ADGRV1: variants seen among roughly 807,000 people sequenced by gnomAD.
ADGRV1 encodes the protein adhesion G protein-coupled receptor V1, also known as G-protein coupled receptor 98.
Under a neutral mutation model 596.2 loss-of-function variants are expected in ADGRV1, and 359 were observed. The observed-to-expected ratio is 0.60, with a 90% CI of 0.55 to 0.66. The LOEUF (loss-of-function observed/expected upper bound fraction) is 0.66, where lower values mean the gene tolerates loss of function less well. Ranked by LOEUF, ADGRV1 falls within the 30% of genes least tolerant of loss-of-function variation. The probability of loss-of-function intolerance (pLI) is 0.00; values close to 1 mark genes in which losing one functional copy is unlikely to be tolerated. For synonymous variants in ADGRV1, 2,681 were observed against 2,679.2 expected, an observed-to-expected ratio of 1.00 and a Z score of -0.02; for missense variants, 7,274 against 7,575.6, an observed-to-expected ratio of 0.96 and a Z score of 1.48.
At chr5:91,116,038 A>G (rs1432520031) in intron 87 of ADGRV1, among the ~76,000 whole-genome samples, 2 of 152,214 alleles carry the variant, frequency 1.3e-5, no homozygotes, top group Non-Finnish European at 2.9e-5. Flanking sequence ...ACTCCAGGAA[A>G]CAGATCTGCC....
chr5:91,080,588 C>CTAA, intron 86 of ADGRV1, among the ~76,000 whole-genome samples: 1 of 84,466 alleles, frequency 1.2e-5, no homozygotes, highest in African/African-American at 4.9e-5. Flanking sequence ...GCACACCCTG[C>CTAA]AAAAAAAAAA....
chr5:90,855,660 A>G (rs1329396582), intron 81 of ADGRV1, 81 bp from the exon 82 acceptor site: 20 of 911,290 alleles, frequency 2.2e-5, no homozygotes, highest in Non-Finnish European at 3.2e-5. Context: ...TAATTTCAGT[A>G]AGCTATTTTT....
chr5:90,587,296 C>A (rs1758878724), intron 1 of ADGRV1, among the ~76,000 whole-genome samples: 1 of 152,116 alleles, frequency 6.6e-6, no homozygotes, highest in African/African-American at 2.4e-5. Flanking sequence ...TCCCCAGATA[C>A]CAGTCATTCC....
chr5:90,873,344 C>T (rs964982284), intron 83 of ADGRV1, among the ~76,000 whole-genome samples: 39 of 152,056 alleles, frequency 2.6e-4, no homozygotes, highest in African/African-American at 8.0e-4. Context: ...GTTGTAAGGG[C>T]GAATGTTATT....
chr5:90,745,047 C>T lies in ADGRV1; in HGVS notation c.10551C>T (p.Ala3517=), dbSNP rs762850616. Residue 3517 remains alanine, a splice_region_variant and synonymous_variant, in exon 51 of 90, where the codon GCC becomes GCT. Transcript: ENST00000405460. The part of the protein sequence containing the change: ...IHSFTPASGI[A]HILLIGQDMS... ...TTGTTTTTTCTTTCCTTCCTGCAGC[C>T]CACATACTTCTTATTGGCCAAGATA... 1.9e-6 allele frequency: 3 copies of T among 1,611,704 alleles called. No individual in the cohort carries two copies. The highest frequency in any genetic ancestry group is 2.2e-5 in the South Asian group (2 of 90,954).
At position 90,647,550 on chromosome 5, in the gene ADGRV1, C is replaced by G; in HGVS notation, c.3075C>G (p.Leu1025=). ...QEGETANFTV[L]RNGSVDVTCM... Reference sequence around the variant, plus strand: ...GTGAGACTGCCAACTTTACAGTTCTCAGAAATGGATCTGTTGATGTGACTT... The same window carrying G: ...GTGAGACTGCCAACTTTACAGTTCTGAGAAATGGATCTGTTGATGTGACTT... The change falls in exon 17 of 90, where the codon CTC becomes CTG. Residue 1025 remains leucine (L), a synonymous_variant. Coordinates refer to ENST00000405460, the MANE Select transcript of ADGRV1 (RefSeq NM_032119.4). 6.2e-7 allele frequency: 1 copy of G among 1,613,750 alleles called. No homozygotes were observed. The highest frequency in any genetic ancestry group is 8.5e-7 in the Non-Finnish European group (1 of 1,179,716).
At chr5:91,009,837 G>A (rs1486287516) in intron 85 of ADGRV1, among the ~76,000 whole-genome samples, 1 of 152,042 alleles carries the variant, frequency 6.6e-6, no homozygotes. Flanking sequence ...GAGTCAAGGA[G>A]AAAGAGAGAC....
chr5:90,807,723 C>T lies in ADGRV1; in HGVS notation c.14958C>T (p.Gly4986=), dbSNP rs371117165. 80 of 1,556,350 alleles carry T rather than the reference C, an allele frequency of 5.1e-5. No homozygotes were observed. The highest frequency in any genetic ancestry group is 6.7e-5 in the Non-Finnish European group (77 of 1,144,498). ...HLSGVQSSAP[G]GAQLRSGFIV... The stretch of plus-strand genomic sequence containing the variant: ...CAGGAGTGCAGAGCAGTGCTCCTGG[C>T]GGAGCTCAACTCCGGTAAGACCAAC... The change falls in exon 73 of 90, where the codon GGC becomes GGT. Residue 4986 remains glycine, a synonymous_variant. Coordinates refer to ENST00000405460, the MANE Select transcript of ADGRV1 (RefSeq NM_032119.4).
At chr5:91,015,840 T>G (rs1237027242) in intron 85 of ADGRV1, among the ~76,000 whole-genome samples, 1 of 152,044 alleles carries the variant, frequency 6.6e-6, no homozygotes, top group Admixed American at 6.6e-5. Context: ...ACTGTGCCTT[T>G]TAAATGGGGC....
chr5:90,985,881 GT>G (rs1391396405), intron 85 of ADGRV1, among the ~76,000 whole-genome samples: 1 of 151,938 alleles, frequency 6.6e-6, no homozygotes, highest in African/African-American at 2.4e-5. Flanking sequence ...TAAGCAGTGT[GT>G]TTTTGGTGAG....
In ADGRV1 at chr5:91,103,951, TGTAGGA is replaced by T. The variant is rs1791619784; in HGVS notation, c.18432+1613_18432+1618del. ...AAGGTCTTGCAATTAGAGAAGAAGTTGTAGGAGAGGAGACAGAAAGGGTAGATTGGT... is the reference window on the plus strand; with the variant it reads ...AAGGTCTTGCAATTAGAGAAGAAGTTGAGGAGACAGAAAGGGTAGATTGGT... On this transcript the variant is annotated intron_variant, in intron 87 of 89. Coordinates refer to ENST00000405460, the MANE Select transcript of ADGRV1 (RefSeq NM_032119.4). Among the ~76,000 whole-genome samples the T allele has an allele frequency of 5.3e-5, 8 of 152,212 alleles. No homozygotes were observed. The South Asian group carries it at 1.7e-3, about 32-fold the overall frequency.
At chr5:90,759,724 G>A in intron 58 of ADGRV1, 136 bp downstream of exon 58, 1 of 735,584 alleles carries the variant, frequency 1.4e-6, no homozygotes, top group Non-Finnish European at 2.4e-6. Context: ...CCAGCACTTT[G>A]GGAGGCCGCA....
Position 90,694,053 on chromosome 5 carries a change from G to T in ADGRV1, c.7297G>T (p.Gly2433Trp), listed in dbSNP as rs776759838. ...AACTTGGATGAATGTCTCTGCCGTG[G>T]GGGAGCCCCTGTATACCTGTGCCAC... ...WRTWMNVSAV[G>W]EPLYTCATLC... Residue 2433 changes from glycine to tryptophan, a missense_variant, in exon 33 of 90, where the codon GGG (glycine) becomes TGG (tryptophan). Gly to Trp is a radical substitution (Grantham distance 184). This residue lies in a region of ADGRV1 where 3,643 missense variants were observed against 3,809.2 expected (regional missense o/e 0.96). Transcript: ENST00000405460. The T allele has an allele frequency of 1.9e-6, 3 of 1,613,814 alleles. No homozygotes were observed. Among genetic ancestry groups the T allele is most frequent in the Non-Finnish European group, 2.5e-6 (3 of 1,179,842 alleles).
rs918367804 is a variant in ADGRV1 at position 90,693,452 on chromosome 5, AT to A, written c.7134-427del. ...GGTTTTTAAAGTTTGTATTTTTTAA[AT>A]TTTTTTTTTTCTGAATATTTTTGAT... On this transcript the variant is annotated intron_variant, in intron 32 of 89. Transcript: ENST00000405460. 7.8e-4 allele frequency among the ~76,000 whole-genome samples: 116 copies of A among 149,324 alleles called. No homozygotes were observed. The East Asian group carries it at 0.011, about 15-fold the overall frequency.
At chr5:90,763,154 GT>G in intron 58 of ADGRV1, 150 bp from the exon 59 acceptor site, 1 of 654,258 alleles carries the variant, frequency 1.5e-6, no homozygotes, top group Non-Finnish European at 2.4e-6. Context: ...GTGGGATTTG[GT>G]AAAAAAAATT....
chr5:90,609,975 T>C (rs1056804197), intron 1 of ADGRV1, among the ~76,000 whole-genome samples: 1 of 152,080 alleles, frequency 6.6e-6, no homozygotes, highest in African/African-American at 2.4e-5. Flanking sequence ...AATTGAATTA[T>C]GACTTTCTTT....
intron 85 of ADGRV1, among the ~76,000 whole-genome samples, chr5:91,010,323 CT>C (rs1484209571): frequency 6.6e-6 from 1 of 152,022 alleles, no homozygotes; most frequent in Non-Finnish European, 1.5e-5. Flanking sequence ...ATCTATCCAT[CT>C]TCTAAAAGAA....
intron 83 of ADGRV1, among the ~76,000 whole-genome samples, chr5:90,880,837 C>A (rs576769631): frequency 6.6e-5 from 10 of 152,240 alleles, no homozygotes; most frequent in Admixed American, 1.3e-4. Context: ...AAATTTCTCA[C>A]CCTTAGTAGT....
chr5:90,784,253 C>A (rs1316510477), intron 67 of ADGRV1, among the ~76,000 whole-genome samples, 196 bp downstream of exon 67: 1 of 152,016 alleles, frequency 6.6e-6, no homozygotes, highest in East Asian at 1.9e-4. Flanking sequence ...CCTCAGGGAA[C>A]CTTGAGGGCT....
Sources: gnomAD v4.1 joint callset for allele counts (sites outside exome capture counted in the v4.1 genomes callset) on GRCh38, gnomAD v4.1.1 for gene constraint, gnomAD v4.1.1 regional missense constraint, MANE v1.5 for transcripts, NCBI Gene and HGNC (gene_info 2026-07-23, HGNC 2026-07-21) for gene names.